The following SHANK2 variants were observed in gnomAD, a reference collection of about 807,000 sequenced individuals.
The protein encoded by SHANK2 is SH3 and multiple ankyrin repeat domains 2.
SHANK2 carries 43 observed loss-of-function variants against 133.7 expected under a neutral mutation model. That is an observed-to-expected ratio of 0.32 (90% CI 0.25 to 0.41). The LOEUF is 0.41. SHANK2 is among the 10% of genes least tolerant of loss of function. The probability of loss-of-function intolerance (pLI) is 1.00; values close to 1 mark genes in which losing one functional copy is unlikely to be tolerated. For synonymous variants in SHANK2, 1,017 were observed against 952.8 expected (o/e 1.07, Z -1.24); for missense variants, 1,994 against 2,235.8 (o/e 0.89, Z 2.18).
intron 14 of SHANK2, among the ~76,000 whole-genome samples, chr11:70,721,467 G>A (rs903252735): frequency 5.3e-5 from 8 of 152,260 alleles, no homozygotes; most frequent in African/African-American, 2.4e-5. Flanking sequence ...GGGAATTGTA[G>A]GGGCTGGGCT....
intron 17 of SHANK2, among the ~76,000 whole-genome samples, chr11:70,552,127 T>TGGA (rs1405058422): frequency 6.6e-6 from 1 of 152,198 alleles, no homozygotes; most frequent in Non-Finnish European, 1.5e-5. Flanking sequence ...GAGGGCTGCA[T>TGGA]GGAGGAGGAG....
chr11:71,238,484 A>G (rs1024474026), intron 1 of SHANK2, among the ~76,000 whole-genome samples: 2 of 152,242 alleles, frequency 1.3e-5, no homozygotes, highest in African/African-American at 2.4e-5. Context: ...GGCCTGTCCA[A>G]GGTCACACAG....
At chr11:70,529,946 A>G (rs1288601627) in intron 17 of SHANK2, among the ~76,000 whole-genome samples, 1 of 152,118 alleles carries the variant, frequency 6.6e-6, no homozygotes, top group Non-Finnish European at 1.5e-5. Context: ...AGTTACGACC[A>G]TTTATGGTTT....
At chr11:70,858,593 A>G (rs782188891) in intron 11 of SHANK2, among the ~76,000 whole-genome samples, 1 of 152,234 alleles carries the variant, frequency 6.6e-6, no homozygotes, top group Non-Finnish European at 1.5e-5. Context: ...CTTCCTTGCT[A>G]AAGACAGTTA....
At chr11:71,113,229 CAA>C in intron 5 of SHANK2, 62 bp downstream of exon 5, 1 of 1,412,846 alleles carries the variant, frequency 7.1e-7, no homozygotes, top group Non-Finnish European at 9.8e-7. Context: ...AAAGATAACA[CAA>C]CAAGATAACA....
intron 2 of SHANK2, among the ~76,000 whole-genome samples, chr11:71,216,428 T>G (rs1396220558): frequency 6.6e-6 from 1 of 152,158 alleles, no homozygotes; most frequent in Non-Finnish European, 1.5e-5. Flanking sequence ...TCCGTAGAGA[T>G]GAAATGGAGA....
rs1021353133 is a variant in SHANK2 at position 71,092,517 on chromosome 11, T to C, written c.817A>G (p.Ile273Val). The change falls in exon 8 of 26, where the codon ATC (isoleucine) becomes GTC (valine). Residue 273 changes from isoleucine to valine, a missense_variant. Physicochemically the swap from Ile to Val is conservative, Grantham distance 29. Transcript: ENST00000601538. Reference sequence around the variant, plus strand: ...CAGCAGTAGGGATCACCTCCGACGATGGCTGTGTGATACAGCGGGGTGAGG... The same window carrying C: ...CAGCAGTAGGGATCACCTCCGACGACGGCTGTGTGATACAGCGGGGTGAGG... ...YGLTPLYHTA[I>V]VGGDPYCCEL... The C allele has an allele frequency of 1.3e-6, 2 of 1,551,614 alleles. No individual in the cohort carries two copies. Among genetic ancestry groups the C allele is most frequent in the African/African-American group, 2.7e-5 (2 of 72,988 alleles).
intron 2 of SHANK2, among the ~76,000 whole-genome samples, chr11:71,169,143 G>A (rs1953254346): frequency 6.6e-6 from 1 of 152,174 alleles, no homozygotes; most frequent in Admixed American, 6.5e-5. Context: ...GCAAGGCAAA[G>A]GAGACACTTG....
At position 70,469,221 on chromosome 11, in the gene SHANK2, C is replaced by T. The variant is rs1219469554; in HGVS notation, c.*3648G>A. The T allele has an allele frequency of 6.6e-6, 1 of 152,296 alleles. No individual in the cohort carries two copies. The highest frequency in any genetic ancestry group is 1.5e-5 in the Non-Finnish European group (1 of 68,040). 9.4% of individuals were successfully genotyped at this position (152,296 alleles called of 1,614,324 possible). ...AATTCTGAAATAACATGCACGTATC[C>T]ATTGATAAATTGAGAATAAGGAAAT... is the stretch of plus-strand genomic sequence containing the variant. On this transcript the variant is annotated 3_prime_UTR_variant, in exon 26 of 26. Coordinates refer to ENST00000601538, the MANE Select transcript of SHANK2 (RefSeq NM_012309.5).
At chr11:70,730,805 T>C (rs1946271817) in intron 14 of SHANK2, among the ~76,000 whole-genome samples, 1 of 149,594 alleles carries the variant, frequency 6.7e-6, no homozygotes, top group Non-Finnish European at 1.5e-5. Context: ...CTGCTATGCC[T>C]GGGACCTCTC....
intron 14 of SHANK2, among the ~76,000 whole-genome samples, chr11:70,764,456 A>G (rs901876675): frequency 2.9e-5 from 4 of 139,802 alleles, no homozygotes; most frequent in East Asian, 2.2e-4. Context: ...TCTATCATCC[A>G]TCCATCCATT....
intron 4 of SHANK2, among the ~76,000 whole-genome samples, chr11:71,116,252 C>T (rs1242901861): frequency 6.6e-6 from 1 of 152,258 alleles, no homozygotes; most frequent in Non-Finnish European, 1.5e-5. Context: ...TGCAATTACA[C>T]ACATGCAGCC....
At chr11:71,076,926 A>G (rs1212393791) in intron 8 of SHANK2, among the ~76,000 whole-genome samples, 1 of 152,226 alleles carries the variant, frequency 6.6e-6, no homozygotes, top group Non-Finnish European at 1.5e-5. Flanking sequence ...CAGAAAAGTG[A>G]CAGAGCCTGG....
chr11:71,224,311 C>T (rs1954605226), intron 2 of SHANK2, among the ~76,000 whole-genome samples: 1 of 151,900 alleles, frequency 6.6e-6, no homozygotes, highest in African/African-American at 2.4e-5. Context: ...GGCTTCACTG[C>T]ACCCTTCCCT....
intron 2 of SHANK2, among the ~76,000 whole-genome samples, chr11:71,224,355 T>C (rs1250394099): frequency 1.3e-5 from 2 of 151,144 alleles, no homozygotes; most frequent in Non-Finnish European, 1.5e-5. Flanking sequence ...CCCCCGTTCA[T>C]GTGAAAATGA....
chr11:70,847,857 G>A (rs538271830), intron 11 of SHANK2, among the ~76,000 whole-genome samples: 40 of 152,360 alleles, frequency 2.6e-4, no homozygotes, highest in Admixed American at 2.4e-3. Flanking sequence ...GGACCAAAGA[G>A]GGGGGCAGGG....
intron 17 of SHANK2, among the ~76,000 whole-genome samples, chr11:70,576,767 C>T (rs889378362): frequency 7.2e-5 from 11 of 152,228 alleles, no homozygotes; most frequent in African/African-American, 1.9e-4. Context: ...CCCAGGGCTG[C>T]TGTGAGGCAA....
At chr11:70,708,918 T>C (rs1945722115) in intron 14 of SHANK2, among the ~76,000 whole-genome samples, 1 of 152,108 alleles carries the variant, frequency 6.6e-6, no homozygotes, top group African/African-American at 2.4e-5. Context: ...GGTTTTAAAA[T>C]ACACAAGAAG....
intron 11 of SHANK2, among the ~76,000 whole-genome samples, chr11:70,870,934 C>T (rs528500664): frequency 3.7e-4 from 56 of 152,282 alleles, no homozygotes; most frequent in South Asian, 8.3e-4. Context: ...CCCGCCACCA[C>T]GCCCGGCTAA....
Sources: gnomAD v4.1 joint callset for allele counts (sites outside exome capture counted in the v4.1 genomes callset) on GRCh38, gnomAD v4.1.1 for gene constraint, MANE v1.5 for transcripts, NCBI Gene and HGNC (gene_info 2026-07-23, HGNC 2026-07-21) for gene names.